Variants in TIMD4 observed in about 807,000 individuals in gnomAD.
TIMD4 encodes the protein T cell immunoglobulin and mucin domain containing 4.
In TIMD4, 31 loss-of-function variants were observed where a neutral mutation model predicts 41.2. That is an observed-to-expected ratio of 0.75 (90% CI 0.57 to 1.01). TIMD4 has a LOEUF of 1.01. Among genes scored for constraint, TIMD4 ranks in the 50% least tolerant of loss-of-function variants. The pLI is 0.00. For synonymous variants in TIMD4, 204 were observed against 177.1 expected (o/e 1.15, Z -1.21); for missense variants, 479 against 472.5 (o/e 1.01, Z -0.13).
rs552666936 is a variant in TIMD4, at chr5:156,932,676, C to T, written c.845-6364G>A. Among the ~76,000 whole-genome samples the T allele has an allele frequency of 1.1e-4, 17 of 152,210 alleles. No individual in the cohort carries two copies. In the South Asian group the frequency reaches 2.9e-3, roughly 26 times the overall value. On this transcript the variant is annotated intron_variant, in intron 5 of 8. Transcript: ENST00000274532. ...TCACTGCACTATTTTTGCAAGTTCT[C>T]GTGAGACGAAAATTATTTGAAAACA...
rs568503716 is a variant in TIMD4, at chr5:156,920,927, A to C, written c.1013-424T>G. On this transcript the variant is annotated intron_variant, in intron 7 of 8. Coordinates refer to ENST00000274532, the MANE Select transcript of TIMD4 (RefSeq NM_138379.3). ...CCTGGGGCAGGTGTTGAAATATACA[A>C]GTTTCATTATTATTCAAATCAGCTG... Among the ~76,000 whole-genome samples, 151 of 152,314 alleles carry C rather than the reference A, an allele frequency of 9.9e-4. 1 individual carries two copies. Among genetic ancestry groups the C allele is most frequent in the African/African-American group, 3.5e-3 (147 of 41,574 alleles).
intron 1 of TIMD4, among the ~76,000 whole-genome samples, chr5:156,956,482 C>G (rs1316803187): frequency 6.6e-6 from 1 of 152,188 alleles, no homozygotes; most frequent in Non-Finnish European, 1.5e-5. Context: ...TAGTTCATTG[C>G]CCAAACCTGA....
chr5:156,933,457 A>ACC (rs36159008), intron 5 of TIMD4, among the ~76,000 whole-genome samples: 3 of 123,114 alleles, frequency 2.4e-5, no homozygotes, highest in African/African-American at 6.0e-5. Context: ...TCGCCCCCCA[A>ACC]CCCCCCCCCA....
At chr5:156,938,251 T>C (rs763278789) in intron 5 of TIMD4, among the ~76,000 whole-genome samples, 1 of 152,180 alleles carries the variant, frequency 6.6e-6, no homozygotes, top group Non-Finnish European at 1.5e-5. Context: ...ATTTCCTTAT[T>C]TGTAAAATAA....
At chr5:156,955,906 T>C (rs1046841053) in intron 1 of TIMD4, among the ~76,000 whole-genome samples, 4 of 152,238 alleles carry the variant, frequency 2.6e-5, no homozygotes, top group Admixed American at 1.3e-4. Flanking sequence ...CTGATATACA[T>C]ATACATCGTA....
rs1225994470 is a variant in TIMD4, at chr5:156,920,495, T to C, written c.1021A>G (p.Met341Val). 6.2e-7 allele frequency: 1 copy of C among 1,614,018 alleles called. No homozygotes were observed. Among genetic ancestry groups the C allele is most frequent in the South Asian group, 1.1e-5 (1 of 91,074 alleles). Residue 341 changes from methionine to valine, a missense_variant, in exon 8 of 9, where the codon ATG (methionine) becomes GTG (valine). Transcript: ENST00000274532. ...TGTTTCTGCGAACAATAGGTTTCCA[T>C]GAGTTTCCCTGAAAAGACAAGGCCA... ...FVAFLLRGKLMETYCSQKHTR... is the reference protein window; with the variant it reads ...FVAFLLRGKLVETYCSQKHTR...
At chr5:156,959,485 A>T (rs1760039995) in intron 1 of TIMD4, among the ~76,000 whole-genome samples, 1 of 152,208 alleles carries the variant, frequency 6.6e-6, no homozygotes, top group South Asian at 2.1e-4. Flanking sequence ...GTCTGTTGTA[A>T]AAGTATCCCT....
intron 2 of TIMD4, among the ~76,000 whole-genome samples, chr5:156,953,766 C>G (rs57217632): frequency 0.015 from 2,325 of 151,848 alleles, 78 homozygotes; most frequent in African/African-American, 0.054. Flanking sequence ...CCAGGTGACA[C>G]TGATGCAGGT....
At chr5:156,935,991 C>T (rs898530586) in intron 5 of TIMD4, among the ~76,000 whole-genome samples, 2 of 152,168 alleles carry the variant, frequency 1.3e-5, no homozygotes, top group African/African-American at 4.8e-5. Context: ...TGTAATCCAG[C>T]GCTTTGGGAG....
intron 8 of TIMD4, 65 bp from the exon 9 acceptor site, chr5:156,919,606 G>T: frequency 7.4e-7 from 1 of 1,348,924 alleles, no homozygotes. Context: ...CAAAACAGAT[G>T]CTGCTAAGTT....
chr5:156,958,036 G>A (rs1208157690), intron 1 of TIMD4, among the ~76,000 whole-genome samples: 1 of 152,062 alleles, frequency 6.6e-6, no homozygotes, highest in African/African-American at 2.4e-5. Context: ...CACTTTGGGA[G>A]GCGGAGGCAG....
Position 156,928,213 on chromosome 5 carries a change from G to A in TIMD4, c.845-1901C>T, listed in dbSNP as rs375342254. 1.7e-3 allele frequency among the ~76,000 whole-genome samples: 257 copies of A among 152,162 alleles called. 1 individual carries two copies. Among genetic ancestry groups the A allele is most frequent in the African/African-American group, 5.9e-3 (245 of 41,508 alleles). On this transcript the variant is annotated intron_variant, in intron 5 of 8. Transcript: ENST00000274532. The stretch of plus-strand genomic sequence containing the variant: ...TTGGGGAGGCTGAAGCAGGAGAATC[G>A]CTTGAACCCAGGATGGGGAGATTGC...
At chr5:156,930,030 G>A (rs755312164) in intron 5 of TIMD4, among the ~76,000 whole-genome samples, 1 of 152,184 alleles carries the variant, frequency 6.6e-6, no homozygotes, top group Non-Finnish European at 1.5e-5. Context: ...CAGTGCAGTG[G>A]CACGATCTTG....
chr5:156,945,484 G>C (rs554291477), intron 5 of TIMD4, among the ~76,000 whole-genome samples: 1 of 152,274 alleles, frequency 6.6e-6, no homozygotes, highest in Non-Finnish European at 1.5e-5. Context: ...AGGTTGTTGT[G>C]AGATTCAAAT....
intron 3 of TIMD4, 128 bp from the exon 4 acceptor site, chr5:156,949,859 C>G: frequency 1.6e-6 from 1 of 613,058 alleles, no homozygotes; most frequent in Non-Finnish European, 3.0e-6. Context: ...GCTCTATCAC[C>G]CAGGCTGGAG....
At chr5:156,930,330 A>G (rs1294010794) in intron 5 of TIMD4, among the ~76,000 whole-genome samples, 1 of 152,206 alleles carries the variant, frequency 6.6e-6, no homozygotes, top group African/African-American at 2.4e-5. Flanking sequence ...CCAGTGAAAA[A>G]AATGAGGCCC....
At chr5:156,938,533 C>T (rs1759581001) in intron 5 of TIMD4, among the ~76,000 whole-genome samples, 1 of 152,176 alleles carries the variant, frequency 6.6e-6, no homozygotes, top group Admixed American at 6.5e-5. Context: ...TAGAGGTCAA[C>T]ACGAGATCTG....
chr5:156,948,124 G>A (rs189173891), intron 5 of TIMD4, among the ~76,000 whole-genome samples: 1 of 152,044 alleles, frequency 6.6e-6, no homozygotes, highest in Non-Finnish European at 1.5e-5. Flanking sequence ...ACGTGGCCAC[G>A]AAGGAGCCAG....
chr5:156,949,551 A>G (rs551581295), intron 4 of TIMD4, 100 bp downstream of exon 4: 2 of 1,040,636 alleles, frequency 1.9e-6, no homozygotes, highest in Admixed American at 3.9e-5. Flanking sequence ...CAAAAGACCC[A>G]AAGAGGTTGT....
Sources: allele counts gnomAD v4.1 joint callset (sites outside exome capture counted in the v4.1 genomes callset), GRCh38; gene constraint gnomAD v4.1.1; transcripts MANE v1.5; gene names NCBI Gene and HGNC (gene_info 2026-07-23, HGNC 2026-07-21).